The following CMTR2 variants were observed in gnomAD, a reference collection of about 807,000 sequenced individuals.
CMTR2 encodes cap-specific mRNA (nucleoside-2'-O-)-methyltransferase 2.
A neutral mutation model predicts 49.8 loss-of-function variants in CMTR2; 40 were observed. That is an observed-to-expected ratio of 0.80 (90% CI 0.62 to 1.04). The LOEUF (loss-of-function observed/expected upper bound fraction) is 1.04, where lower values mean the gene tolerates loss of function less well. Among genes scored for constraint, CMTR2 ranks in the 50% least tolerant of loss-of-function variants. The probability of loss-of-function intolerance (pLI) is 0.00; values close to 1 mark genes in which losing one functional copy is unlikely to be tolerated. For synonymous variants in CMTR2, 326 were observed against 315.8 expected (o/e 1.03, Z -0.34); for missense variants, 907 against 897.2 (o/e 1.01, Z -0.14).
chr16:71,281,460 G>C lies in CMTR2; in HGVS notation c.*2148C>G, dbSNP rs1416742316. On this transcript the variant is annotated 3_prime_UTR_variant, in exon 3 of 3. Coordinates refer to ENST00000434935, the MANE Select transcript of CMTR2 (RefSeq NM_018348.6). ...AAAACCTGTGGAAAAAAGTTTTTAA[G>C]AACAGTCTACCTTGGTAAAACATGC... is the stretch of plus-strand genomic sequence containing the variant. The C allele has an allele frequency of 6.6e-6, 1 of 151,836 alleles. No homozygotes were observed. The allele number at this position is 151,836 out of a possible 1,614,324, so 9.4% of individuals were successfully genotyped here. A position where few individuals can be genotyped will look rare whatever the true frequency, so the allele number is the denominator to read the frequency against.
rs748493382 is a variant in CMTR2, at chr16:71,284,201, G to T, written c.1720C>A (p.Pro574Thr). ...ECLQDEQVVV[P>T]SNQIKCLLVG... is the part of the protein sequence containing the mutation. ...AGCAGGCACTTTATTTGATTGCTGG[G>T]TACTACAACCTGCTCATCCTGAAGG... The change falls in exon 3 of 3, where the codon CCC becomes ACC. Residue 574 changes from proline (P) to threonine (T), a missense_variant. Pro to Thr is a conservative substitution (Grantham distance 38, BLOSUM62 -1). Transcript: ENST00000434935. The T allele has an allele frequency of 6.2e-7, 1 of 1,613,976 alleles. No individual in the cohort carries two copies. Among genetic ancestry groups the T allele is most frequent in the South Asian group, 1.1e-5 (1 of 91,064 alleles).
In CMTR2 at chr16:71,282,055, T is replaced by C. The variant is rs527708948; in HGVS notation, c.*1553A>G. 4 of 151,876 alleles carry C rather than the reference T, an allele frequency of 2.6e-5. No individual in the cohort carries two copies. The highest frequency in any genetic ancestry group is 5.9e-5 in the Non-Finnish European group (4 of 67,838). The allele number at this position is 151,876 out of a possible 1,614,324, so 9.4% of individuals were successfully genotyped here. A position where few individuals can be genotyped will look rare whatever the true frequency, so the allele number is the denominator to read the frequency against. On this transcript the variant is annotated 3_prime_UTR_variant, in exon 3 of 3. Transcript: ENST00000434935. ...AGAGTCACCAGTAGGAAATCAGATT[T>C]CTTTCAAAAATCTACTTCCAGGCCT... is the stretch of plus-strand genomic sequence containing the variant.
At chr16:71,289,023 A>C (rs2041783426) in intron 1 of CMTR2, 86 bp from the exon 2 acceptor site, 1 of 152,204 alleles carries the variant, frequency 6.6e-6, no homozygotes, top group African/African-American at 2.4e-5. Context: ...AGTAAGTCCC[A>C]AACCCCACTC....
rs774774000 is a variant in CMTR2, at chr16:71,284,057, A to T, written c.1864T>A (p.Tyr622Asn). ...AGGCAGTCCAAAAATAAACGCTGGTAAGTTGGATCTCCATCATGAAGCAAT... is the reference window on the plus strand; with the variant it reads ...AGGCAGTCCAAAAATAAACGCTGGTTAGTTGGATCTCCATCATGAAGCAAT... ...CSLLHDGDPT[Y>N]QRLFLDCLLH... Residue 622 changes from tyrosine to asparagine, a missense_variant, in exon 3 of 3, where the codon TAC (tyrosine) becomes AAC (asparagine). By Grantham distance (143) the Tyr-to-Asn change is moderately radical (BLOSUM62 -2). Transcript: ENST00000434935. 1.9e-6 allele frequency: 3 copies of T among 1,614,088 alleles called. No homozygotes were observed. In the Admixed American group the frequency reaches 5.0e-5, roughly 27 times the overall value.
At position 71,284,402 on chromosome 16, in the gene CMTR2, A is replaced by T. The variant is rs1279769566; in HGVS notation, c.1519T>A (p.Cys507Ser). The change falls in exon 3 of 3, where the codon TGT becomes AGT. Residue 507 changes from cysteine to serine, a missense_variant. Physicochemically the swap from Cys to Ser is moderately radical, Grantham distance 112. Transcript: ENST00000434935. ...LEGKKLPKVKCSPFCNGEILK... is the reference protein window; with the variant it reads ...LEGKKLPKVKSSPFCNGEILK... ...ATTTCACCATTGCAAAAAGGAGAAC[A>T]TTTTACCTTTGGCAGTTTCTTTCCC... 3.7e-6 allele frequency: 6 copies of T among 1,613,898 alleles called. No homozygotes were observed. The highest frequency in any genetic ancestry group is 5.1e-6 in the Non-Finnish European group (6 of 1,179,970).
chr16:71,283,641 TTC>T lies in CMTR2; in HGVS notation c.2278_2279del (p.Glu760ArgfsTer36), dbSNP rs759239036. 4.3e-6 allele frequency: 7 copies of T among 1,611,852 alleles called. No individual in the cohort carries two copies. The highest frequency in any genetic ancestry group is 1.3e-5 in the African/African-American group (1 of 74,784). ...GTAACTGAAGGCTGTTGATAATTTC[TTC>T]TCTCTCTCTTTGAATAATGAAATGC... ...HLHFIIQRER[E>X]EIINSLQLQN On this transcript the variant is annotated frameshift_variant, in exon 3 of 3. Coordinates refer to ENST00000434935, the MANE Select transcript of CMTR2 (RefSeq NM_018348.6). LOFTEE classifies it high-confidence loss of function.
At chr16:71,287,309 C>T (rs1486584698) in intron 2 of CMTR2, 1 of 152,150 alleles carries the variant, frequency 6.6e-6, no homozygotes, top group East Asian at 1.9e-4. Context: ...TCTTTTAGCA[C>T]ACTTTTTTCA....
rs2041713332 is a variant in CMTR2 at position 71,285,746 on chromosome 16, C to T, written c.175G>A (p.Glu59Lys). Residue 59 changes from glutamate (E) to lysine (K), a missense_variant, in exon 3 of 3, where the codon GAA becomes AAA. Transcript: ENST00000434935. ...TTCAAATCAAGAAATGCATTAAGTT[C>T]AGTGTGGTCACAGGTGAAAATCTCA... ...PSEIFTCDHTELNAFLDLKNS... is the reference protein window; with the variant it reads ...PSEIFTCDHTKLNAFLDLKNS... The T allele has an allele frequency of 6.2e-7, 1 of 1,613,792 alleles. No homozygotes were observed. The highest frequency in any genetic ancestry group is 8.5e-7 in the Non-Finnish European group (1 of 1,179,840).
rs1378734332 is a variant in CMTR2, at chr16:71,283,611, G to A, written c.2310C>T (p.Asn770=). 3 of 1,609,218 alleles carry A rather than the reference G, an allele frequency of 1.9e-6. No individual in the cohort carries two copies. The East Asian group carries it at 6.7e-5, about 36-fold the overall frequency. The change falls in exon 3 of 3, where the codon AAC becomes AAT. Residue 770 remains asparagine (N), a synonymous_variant. Transcript: ENST00000434935. ...TTGAATCTCAGAAAGCATATGTTCA[G>A]TTTTGTAACTGAAGGCTGTTGATAA... The part of the protein sequence containing the change: ...EEIINSLQLQ[N]
chr16:71,289,280 G>A lies in CMTR2; in HGVS notation c.-224C>T, dbSNP rs2041791339. Reference sequence around the variant, plus strand: ...CCGCGGCGCCTCCAGCCACAAGGCAGGGAGATGGTGCGCCGGACTGGGGGG... The same window carrying A: ...CCGCGGCGCCTCCAGCCACAAGGCAAGGAGATGGTGCGCCGGACTGGGGGG... On this transcript the variant is annotated 5_prime_UTR_variant, in exon 1 of 3. Coordinates refer to ENST00000434935, the MANE Select transcript of CMTR2 (RefSeq NM_018348.6). 1 of 152,404 alleles carries A rather than the reference G, an allele frequency of 6.6e-6. No individual in the cohort carries two copies. The highest frequency in any genetic ancestry group is 2.1e-4 in the South Asian group (1 of 4,832). The allele number at this position is 152,404 out of a possible 1,614,324, so 9.4% of individuals were successfully genotyped here.
rs769540840 is a variant in CMTR2, at chr16:71,285,480, T to C, written c.441A>G (p.Pro147=). Reference sequence around the variant, plus strand: ...GGTTGAGACTAGCTATAAAAGCTCCTGGAGCTTCACAAAGGTGTAGAGAAT... The same window carrying C: ...GGTTGAGACTAGCTATAAAAGCTCCCGGAGCTTCACAAAGGTGTAGAGAAT... The part of the protein sequence containing the change: ...KLNSLHLCEA[P]GAFIASLNHY... Residue 147 remains proline (P), a synonymous_variant, in exon 3 of 3, where the codon CCA becomes CCG. Transcript: ENST00000434935. 3.1e-6 allele frequency: 5 copies of C among 1,614,006 alleles called. No individual in the cohort carries two copies. The highest frequency in any genetic ancestry group is 3.4e-6 in the Non-Finnish European group (4 of 1,179,964).
At position 71,285,424 on chromosome 16, in the gene CMTR2, T is replaced by C. The variant is rs1350273847; in HGVS notation, c.497A>G (p.His166Arg). The change falls in exon 3 of 3, where the codon CAT becomes CGT. Residue 166 changes from histidine (H) to arginine (R), a missense_variant. Physicochemically the swap from His to Arg is conservative, Grantham distance 29. Coordinates refer to ENST00000434935, the MANE Select transcript of CMTR2 (RefSeq NM_018348.6). ...CAGAGTATTCGCTACCCAACTCCAA[T>C]GACAAGGAAACCGATGGGATTTTAA... ...HYLKSHRFPC[H>R]WSWVANTLNP... 3 of 1,614,016 alleles carry C rather than the reference T, an allele frequency of 1.9e-6. No homozygotes were observed. Among genetic ancestry groups the C allele is most frequent in the South Asian group, 1.1e-5 (1 of 91,086 alleles).
chr16:71,287,794 A>C (rs2144858605), intron 2 of CMTR2: 1 of 152,288 alleles, frequency 6.6e-6, no homozygotes, highest in Non-Finnish European at 1.5e-5. Flanking sequence ...AGGAAGACAA[A>C]ACTGAGGTGT....
rs754448049 is a variant in CMTR2, at chr16:71,284,604, T to C, written c.1317A>G (p.Lys439=). 6.1e-5 allele frequency: 99 copies of C among 1,613,496 alleles called. No individual in the cohort carries two copies. The highest frequency in any genetic ancestry group is 7.7e-5 in the Non-Finnish European group (91 of 1,179,790). The change falls in exon 3 of 3, where the codon AAA becomes AAG. Residue 439 remains lysine, a synonymous_variant. Transcript: ENST00000434935. Reference sequence around the variant, plus strand: ...TCCTTTCATTATAAGTTTTAAAATATTTGTTCCTCTGCCCAAACCATTTTG... The same window carrying C: ...TCCTTTCATTATAAGTTTTAAAATACTTGTTCCTCTGCCCAAACCATTTTG... ...TNTKWFGQRN[K]YFKTYNERKM...
Position 71,282,184 on chromosome 16 carries a change from A to G in CMTR2, c.*1424T>C, listed in dbSNP as rs1050078070. 2.0e-5 allele frequency: 3 copies of G among 152,086 alleles called. No individual in the cohort carries two copies. Among genetic ancestry groups the G allele is most frequent in the African/African-American group, 7.2e-5 (3 of 41,444 alleles). The allele number at this position is 152,086 out of a possible 1,614,324, so 9.4% of individuals were successfully genotyped here. ...AAGGACTAAATTTTAATGAATGCAA[A>G]TCAGAGAAAATGAAAGAACATTAAC... On this transcript the variant is annotated 3_prime_UTR_variant, in exon 3 of 3. Coordinates refer to ENST00000434935, the MANE Select transcript of CMTR2 (RefSeq NM_018348.6).
chr16:71,284,143 A>G lies in CMTR2; in HGVS notation c.1778T>C (p.Met593Thr), dbSNP rs772760499. 1 of 1,613,948 alleles carries G rather than the reference A, an allele frequency of 6.2e-7. No homozygotes were observed. Among genetic ancestry groups the G allele is most frequent in the Admixed American group, 1.7e-5 (1 of 59,986 alleles). ...VGFSTLRNIK[M>T]HIPLEVRLLE... ...GAGTCGAACTTCCAACGGTATATGC[A>G]TTTTGATATTACGGAGAGTCGAAAA... Residue 593 changes from methionine to threonine, a missense_variant, in exon 3 of 3, where the codon ATG becomes ACG. By Grantham distance (81) the Met-to-Thr change is moderately conservative. Coordinates refer to ENST00000434935, the MANE Select transcript of CMTR2 (RefSeq NM_018348.6).
At position 71,285,757 on chromosome 16, in the gene CMTR2, C is replaced by G. The variant is rs1364415510; in HGVS notation, c.164G>C (p.Cys55Ser). ...AAATGCATTAAGTTCAGTGTGGTCACAGGTGAAAATCTCACTGGGATCTGG... is the reference window on the plus strand; with the variant it reads ...AAATGCATTAAGTTCAGTGTGGTCAGAGGTGAAAATCTCACTGGGATCTGG... ...QLPDPSEIFT[C>S]DHTELNAFLD... The change falls in exon 3 of 3, where the codon TGT becomes TCT. Residue 55 changes from cysteine (C) to serine (S), a missense_variant. Transcript: ENST00000434935. 1.9e-6 allele frequency: 3 copies of G among 1,613,850 alleles called. No individual in the cohort carries two copies. The highest frequency in any genetic ancestry group is 2.2e-5 in the South Asian group (2 of 91,056).
rs199611664 is a variant in CMTR2, at chr16:71,285,853, A to C, written c.68T>G (p.Leu23Arg). ...ASPASFSPDI[L>R]ADIFELFAKN... ...GGCAAAGAGTTCAAAAATGTCAGCA[A>C]GAATATCTGGGCTGAATGACGCGGG... Residue 23 changes from leucine to arginine, a missense_variant, in exon 3 of 3, where the codon CTT (leucine) becomes CGT (arginine). Coordinates refer to ENST00000434935, the MANE Select transcript of CMTR2 (RefSeq NM_018348.6). 1.2e-6 allele frequency: 2 copies of C among 1,613,918 alleles called. No individual in the cohort carries two copies. Among genetic ancestry groups the C allele is most frequent in the Middle Eastern group, 1.7e-4 (1 of 6,058 alleles).
rs149004042 is a variant in CMTR2, at chr16:71,284,163, C to T, written c.1758G>A (p.Ser586=). The T allele has an allele frequency of 9.7e-5, 157 of 1,613,668 alleles. No individual in the cohort carries two copies. Among genetic ancestry groups the T allele is most frequent in the Non-Finnish European group, 1.3e-4 (150 of 1,179,850 alleles). Residue 586 remains serine (S), a synonymous_variant, in exon 3 of 3, where the codon TCG becomes TCA. Transcript: ENST00000434935. The part of the protein sequence containing the change: ...NQIKCLLVGF[S]TLRNIKMHIP... ...TATGCATTTTGATATTACGGAGAGT[C>T]GAAAAGCCCACCAGCAGGCACTTTA...
Sources: gnomAD v4.1 joint callset for allele counts on GRCh38, gnomAD v4.1.1 for gene constraint, MANE v1.5 for transcripts, NCBI Gene and HGNC (gene_info 2026-07-23, HGNC 2026-07-21) for gene names.